Variants in LSM4 observed in about 807,000 individuals in gnomAD.
LSM4 encodes U6 snRNA-associated Sm-like protein LSm4.
LSM4 carries 15 observed loss-of-function variants against 22.3 expected under a neutral mutation model. The ratio of observed to expected loss-of-function variants is 0.67; its 90% CI spans 0.45 to 1.03. The LOEUF (loss-of-function observed/expected upper bound fraction) is 1.03, where lower values mean the gene tolerates loss of function less well. Ranked by LOEUF, LSM4 falls within the 50% of genes least tolerant of loss-of-function variation. The pLI is 0.00. For synonymous variants in LSM4, 90 were observed against 79.8 expected (o/e 1.13, Z -0.68); for missense variants, 127 against 198.0 (o/e 0.64, Z 2.15).
chr19:18,316,141 G>T, intron 1 of LSM4, 76 bp from the exon 2 acceptor site: 1 of 1,348,768 alleles, frequency 7.4e-7, no homozygotes, highest in South Asian at 1.2e-5. Context: ...TCCCACCCAT[G>T]ACTCATAGAT....
chr19:18,309,745 G>A lies in LSM4; in HGVS notation c.261C>T (p.Gly87=), dbSNP rs1257893357. 1.2e-6 allele frequency: 2 copies of A among 1,613,482 alleles called. No homozygotes were observed. Among genetic ancestry groups the A allele is most frequent in the Non-Finnish European group, 8.5e-7 (1 of 1,179,796 alleles). The change falls in exon 4 of 5, where the codon GGC becomes GGT. Residue 87 remains glycine, a synonymous_variant. Transcript: ENST00000593829. ...DMVKEEVVAK[G]RGRGGLQQQK... is the part of the protein sequence containing the mutation. ...GCTGCTGCAGGCCTCCGCGGCCGCG[G>A]CCCTTGGCCACCACCTCCTCCTTGA...
intron 4 of LSM4, among the ~76,000 whole-genome samples, chr19:18,308,525 G>GGGTGCCA (rs1377818962): frequency 6.6e-6 from 1 of 152,242 alleles, no homozygotes; most frequent in East Asian, 1.9e-4. Context: ...CCCATGTGCT[G>GGGTGCCA]GGTGCCAGGG....
In LSM4 at chr19:18,309,828, A is replaced by G; in HGVS notation, c.178T>C (p.Tyr60His). Reference sequence around the variant, plus strand: ...TACTTGATGGTGCTGCCGCGGATGTAGCACTCGGGCATCCGCCAGAACTTG... The same window carrying G: ...TACTTGATGGTGCTGCCGCGGATGTGGCACTCGGGCATCCGCCAGAACTTG... ...GDKFWRMPEC[Y>H]IRGSTIKYLR... Residue 60 changes from tyrosine (Y) to histidine (H), a missense_variant, in exon 4 of 5, where the codon TAC becomes CAC. Tyr to His is a moderately conservative substitution (Grantham distance 83, BLOSUM62 2). Coordinates refer to ENST00000593829, the MANE Select transcript of LSM4 (RefSeq NM_012321.5). 6.2e-7 allele frequency: 1 copy of G among 1,613,634 alleles called. No homozygotes were observed. Among genetic ancestry groups the G allele is most frequent in the Non-Finnish European group, 8.5e-7 (1 of 1,179,834 alleles).
At chr19:18,322,958 G>A in intron 1 of LSM4, 60 bp downstream of exon 1, 3 of 1,584,258 alleles carry the variant, frequency 1.9e-6, no homozygotes, top group South Asian at 2.3e-5. Context: ...CCGCCCGCAG[G>A]GATCCCAACG....
At chr19:18,317,884 G>C (rs1259232179) in intron 1 of LSM4, among the ~76,000 whole-genome samples, 1 of 152,100 alleles carries the variant, frequency 6.6e-6, no homozygotes, top group Non-Finnish European at 1.5e-5. Context: ...CAAATATGTA[G>C]TATTTCTATT....
At chr19:18,310,663 C>T (rs1970288772) in intron 3 of LSM4, among the ~76,000 whole-genome samples, 1 of 152,186 alleles carries the variant, frequency 6.6e-6, no homozygotes, top group African/African-American at 2.4e-5. Context: ...GGTTCCTGGA[C>T]AGACCCACGC....
chr19:18,309,716 T>C lies in LSM4; in HGVS notation c.290A>G (p.Lys97Arg). The change falls in exon 4 of 5, where the codon AAG (lysine) becomes AGG (arginine). Residue 97 changes from lysine (K) to arginine (R), a missense_variant. Transcript: ENST00000593829. ...GCCCATGCCGCGGCCTTTCTGCTGCTTCTGCTGCTGCAGGCCTCCGCGGCC... is the reference window on the plus strand; with the variant it reads ...GCCCATGCCGCGGCCTTTCTGCTGCCTCTGCTGCTGCAGGCCTCCGCGGCC... The part of the protein sequence containing the change: ...GRGRGGLQQQ[K>R]QQKGRGMGGA... 6.2e-7 allele frequency: 1 copy of C among 1,611,424 alleles called. No homozygotes were observed. The highest frequency in any genetic ancestry group is 8.5e-7 in the Non-Finnish European group (1 of 1,179,084).
At chr19:18,309,924 G>T in intron 3 of LSM4, 63 bp from the exon 4 acceptor site, 2 of 1,534,826 alleles carry the variant, frequency 1.3e-6, no homozygotes, top group South Asian at 1.2e-5. Context: ...CCCTGGGAGC[G>T]CGGGAGGCCC....
At position 18,307,254 on chromosome 19, in the gene LSM4, A is replaced by G; in HGVS notation, c.*210T>C. 1 of 437,192 alleles carries G rather than the reference A, an allele frequency of 2.3e-6. No homozygotes were observed. Among genetic ancestry groups the G allele is most frequent in the Non-Finnish European group, 4.0e-6 (1 of 249,518 alleles). The allele number at this position is 437,192 out of a possible 1,614,324, so 27.1% of individuals were successfully genotyped here. ...GCCAGTTTTGGGACGGCCGTTTCACAAAACCAAAAAACACCAAGTAACATT... is the reference window on the plus strand; with the variant it reads ...GCCAGTTTTGGGACGGCCGTTTCACGAAACCAAAAAACACCAAGTAACATT... On this transcript the variant is annotated 3_prime_UTR_variant, in exon 5 of 5. Transcript: ENST00000593829.
chr19:18,313,150 C>CGGAGGTTGCAGTGAGTTGAGATAGGG (rs549224328), intron 2 of LSM4, among the ~76,000 whole-genome samples: 1 of 152,088 alleles, frequency 6.6e-6, no homozygotes, highest in Non-Finnish European at 1.5e-5. Context: ...ACCCAGGAGG[C>CGGAGGTTGCAGTGAGTTGAGATAGGG]GGAGGTTGCA....
intron 4 of LSM4, chr19:18,309,310 C>T: frequency 8.3e-6 from 2 of 240,748 alleles, no homozygotes; most frequent in Non-Finnish European, 7.9e-6. Flanking sequence ...GAATTTTATG[C>T]CAATTCATCA....
chr19:18,308,193 G>T (rs989667937), intron 4 of LSM4, among the ~76,000 whole-genome samples: 9 of 152,132 alleles, frequency 5.9e-5, no homozygotes, highest in Non-Finnish European at 1.3e-4. Context: ...GGGCCCCAGG[G>T]ACTGAGTGGA....
At chr19:18,317,700 T>C (rs1306979822) in intron 1 of LSM4, among the ~76,000 whole-genome samples, 1 of 147,482 alleles carries the variant, frequency 6.8e-6, no homozygotes. Context: ...ACTTTCAAGA[T>C]TTTTTTTTTT....
intron 4 of LSM4, 54 bp from the exon 5 acceptor site, chr19:18,307,609 C>G (rs1970244469): frequency 7.6e-7 from 1 of 1,310,134 alleles, no homozygotes; most frequent in Non-Finnish European, 1.0e-6. Flanking sequence ...GGACCTTCGA[C>G]AGGATCCCGG....
intron 3 of LSM4, 66 bp from the exon 4 acceptor site, chr19:18,309,927 G>T: frequency 6.6e-7 from 1 of 1,526,384 alleles, no homozygotes; most frequent in Non-Finnish European, 8.9e-7. Context: ...TGGGAGCGCG[G>T]GAGGCCCTGC....
rs552075751 is a variant in LSM4, at chr19:18,309,533, C to T, written c.328+145G>A. On this transcript the variant is annotated intron_variant, in intron 4 of 4. Coordinates refer to ENST00000593829, the MANE Select transcript of LSM4 (RefSeq NM_012321.5). ...TCTCGGGGCTCCTCTGCCTGGGCCT[C>T]GGCTCATGGCCAAGGACCAGGAGGG... 163 of 856,224 alleles carry T rather than the reference C, an allele frequency of 1.9e-4. No homozygotes were observed. In the South Asian group the frequency reaches 2.6e-3, roughly 14 times the overall value. The allele number at this position is 856,224 out of a possible 1,614,324, so 53.0% of individuals were successfully genotyped here. A position where few individuals can be genotyped will look rare whatever the true frequency, so the allele number is the denominator to read the frequency against.
intron 1 of LSM4, among the ~76,000 whole-genome samples, chr19:18,321,748 G>A (rs760920257): frequency 6.6e-6 from 1 of 152,058 alleles, no homozygotes; most frequent in African/African-American, 2.4e-5. Context: ...CGTACTTGAC[G>A]GATCAGCTGA....
chr19:18,313,798 T>TA (rs1970323644), intron 2 of LSM4, among the ~76,000 whole-genome samples: 1 of 152,038 alleles, frequency 6.6e-6, no homozygotes, highest in Admixed American at 6.6e-5. Flanking sequence ...TTATAGGCAT[T>TA]AGCCACCACA....
At chr19:18,320,230 G>C (rs191987207) in intron 1 of LSM4, among the ~76,000 whole-genome samples, 1 of 152,212 alleles carries the variant, frequency 6.6e-6, no homozygotes, top group Non-Finnish European at 1.5e-5. Context: ...AGGTGAGGCT[G>C]GGCACAGTGG....
Sources: gnomAD v4.1 joint callset for allele counts (sites outside exome capture counted in the v4.1 genomes callset) on GRCh38, gnomAD v4.1.1 for gene constraint, MANE v1.5 for transcripts, NCBI Gene and HGNC (gene_info 2026-07-23, HGNC 2026-07-21) for gene names.